The following ZNF70 variants were observed in gnomAD, a reference collection of about 807,000 sequenced individuals.
ZNF70 encodes the protein zinc finger protein 70, also known as zinc finger protein N27C7-1.
Under a neutral mutation model 37.7 loss-of-function variants are expected in ZNF70, and 18 were observed. The ratio of observed to expected loss-of-function variants is 0.48; its 90% CI spans 0.33 to 0.71. The LOEUF (loss-of-function observed/expected upper bound fraction) is 0.71, where lower values mean the gene tolerates loss of function less well. ZNF70 is among the 30% of genes least tolerant of loss of function. The pLI, the probability that ZNF70 is intolerant of heterozygous loss-of-function variation, is 0.02. For synonymous variants in ZNF70, 219 were observed against 220.1 expected (o/e 0.99, Z 0.05); for missense variants, 506 against 568.6 (o/e 0.89, Z 1.12).
In ZNF70 at chr22:23,743,325, C is replaced by T. The variant is rs1282491362; in HGVS notation, c.*475G>A. 6.3e-6 allele frequency: 1 copy of T among 158,026 alleles called. No homozygotes were observed. The highest frequency in any genetic ancestry group is 1.4e-5 in the Non-Finnish European group (1 of 71,666). 9.8% of individuals were successfully genotyped at this position (158,026 alleles called of 1,614,324 possible). A position where few individuals can be genotyped will look rare whatever the true frequency, so the allele number is the denominator to read the frequency against. ...TTCTACTTTGCTGCTGACACATCTA[C>T]TTTTGAATTCATTTTTCTTCTACTG... On this transcript the variant is annotated 3_prime_UTR_variant, in exon 2 of 2. Coordinates refer to ENST00000341976, the MANE Select transcript of ZNF70 (RefSeq NM_021916.4).
rs1925066470 is a variant in ZNF70 at position 23,744,995 on chromosome 22, T to C, written c.146A>G (p.Lys49Arg). 6 of 1,614,072 alleles carry C rather than the reference T, an allele frequency of 3.7e-6. No individual in the cohort carries two copies. Among genetic ancestry groups the C allele is most frequent in the East Asian group, 4.5e-5 (2 of 44,882 alleles). ...RGLEQMAVIY[K>R]EIPLGEQDEE... ...GTCCTGCTCACCAAGAGGGATCTCCTTGTAGATCACAGCCATTTGCTCCAA... is the reference window on the plus strand; with the variant it reads ...GTCCTGCTCACCAAGAGGGATCTCCCTGTAGATCACAGCCATTTGCTCCAA... Residue 49 changes from lysine to arginine, a missense_variant, in exon 2 of 2, where the codon AAG becomes AGG. Physicochemically the swap from Lys to Arg is conservative, Grantham distance 26. Coordinates refer to ENST00000341976, the MANE Select transcript of ZNF70 (RefSeq NM_021916.4).
Position 23,747,552 on chromosome 22 carries a change from C to T in ZNF70, c.-79-2333G>A, listed in dbSNP as rs1302121781. ...ACATAAATAAATAAAACAGACAAGT[C>T]CGGGCGCGGTGGCTCACACCTGTAA... On this transcript the variant is annotated intron_variant, in intron 1 of 1. Coordinates refer to ENST00000341976, the MANE Select transcript of ZNF70 (RefSeq NM_021916.4). 2.6e-5 allele frequency among the ~76,000 whole-genome samples: 4 copies of T among 152,138 alleles called. No homozygotes were observed. The East Asian group carries it at 7.7e-4, about 29-fold the overall frequency.
chr22:23,743,637 C>T lies in ZNF70; in HGVS notation c.*163G>A. The T allele has an allele frequency of 9.6e-7, 1 of 1,042,938 alleles. No homozygotes were observed. The highest frequency in any genetic ancestry group is 1.4e-6 in the Non-Finnish European group (1 of 722,120). The allele number at this position is 1,042,938 out of a possible 1,614,324, so 64.6% of individuals were successfully genotyped here. ...CTGCTGAGAGCTGGCGTGCTTGGCC[C>T]AGGGCCACACAGGGCCTTCCTGCTA... On this transcript the variant is annotated 3_prime_UTR_variant, in exon 2 of 2. Transcript: ENST00000341976.
intron 1 of ZNF70, among the ~76,000 whole-genome samples, chr22:23,749,970 C>T (rs895665110): frequency 5.9e-5 from 9 of 152,302 alleles, no homozygotes; most frequent in South Asian, 4.1e-4. Flanking sequence ...TAGCACCATG[C>T]TCCTCACCTC....
Position 23,745,771 on chromosome 22 carries a change from AAACAAC to A in ZNF70, c.-79-558_-79-553del, listed in dbSNP as rs200758485. Among the ~76,000 whole-genome samples, 163 of 152,094 alleles carry A rather than the reference AAACAAC, an allele frequency of 1.1e-3. 2 individuals carry two copies. The East Asian group carries it at 0.021, about 20-fold the overall frequency. ...GGGCAACAAAGCGAGACTCTATCTC[AAACAAC>A]AACAACAACAACAGCAACAACAACC... On this transcript the variant is annotated intron_variant, in intron 1 of 1. Transcript: ENST00000341976.
rs1265240410 is a variant in ZNF70, at chr22:23,745,160, C to T, written c.-20G>A. Reference sequence around the variant, plus strand: ...CTCCATTGTGAATCTGCTATCATCCCCAATGGTTGTATTTCTTTAAAAATG... The same window carrying T: ...CTCCATTGTGAATCTGCTATCATCCTCAATGGTTGTATTTCTTTAAAAATG... On this transcript the variant is annotated 5_prime_UTR_variant, in exon 2 of 2. An upstream open reading frame in the 5' UTR gains an earlier in-frame stop. Transcript: ENST00000341976. 1.9e-6 allele frequency: 3 copies of T among 1,599,086 alleles called. No individual in the cohort carries two copies. Among genetic ancestry groups the T allele is most frequent in the African/African-American group, 1.3e-5 (1 of 74,300 alleles).
rs771575611 is a variant in ZNF70 at position 23,744,896 on chromosome 22, C to A, written c.245G>T (p.Gly82Val). The A allele has an allele frequency of 6.2e-7, 1 of 1,614,178 alleles. No individual in the cohort carries two copies. The highest frequency in any genetic ancestry group is 8.5e-7 in the Non-Finnish European group (1 of 1,180,040). Residue 82 changes from glycine (G) to valine (V), a missense_variant, in exon 2 of 2, where the codon GGA (glycine) becomes GTA (valine). Transcript: ENST00000341976. Reference protein sequence around the residue: ...SPVQHQSIPPGTRPQDDELFG... With the variant: ...SPVQHQSIPPVTRPQDDELFG... ...GAGCTCATCATCCTGGGGTCTGGTTCCTGGGGGGATACTTTGATGCTGAAC... is the reference window on the plus strand; with the variant it reads ...GAGCTCATCATCCTGGGGTCTGGTTACTGGGGGGATACTTTGATGCTGAAC...
chr22:23,750,008 TC>T (rs999735117), intron 1 of ZNF70, among the ~76,000 whole-genome samples: 3 of 152,148 alleles, frequency 2.0e-5, no homozygotes, highest in African/African-American at 7.2e-5. Flanking sequence ...AGCCGCTAAG[TC>T]CCAGTCTTCT....
rs1161856576 is a variant in ZNF70, at chr22:23,743,124, C to A, written c.*676G>T. ...CTGGCCAACAGGATCAAATCTCTATCCTCCTGTAACAGAGCTGTCTGAGGG... is the reference window on the plus strand; with the variant it reads ...CTGGCCAACAGGATCAAATCTCTATACTCCTGTAACAGAGCTGTCTGAGGG... On this transcript the variant is annotated 3_prime_UTR_variant, in exon 2 of 2. Coordinates refer to ENST00000341976, the MANE Select transcript of ZNF70 (RefSeq NM_021916.4). 1 of 152,412 alleles carries A rather than the reference C, an allele frequency of 6.6e-6. No individual in the cohort carries two copies. The highest frequency in any genetic ancestry group is 2.4e-5 in the African/African-American group (1 of 41,450). The allele number at this position is 152,412 out of a possible 1,614,324, so 9.4% of individuals were successfully genotyped here.
Position 23,742,906 on chromosome 22 carries a change from C to G in ZNF70, c.*894G>C, listed in dbSNP as rs1354386331. 8 of 152,556 alleles carry G rather than the reference C, an allele frequency of 5.2e-5. No homozygotes were observed. Among genetic ancestry groups the G allele is most frequent in the African/African-American group, 1.7e-4 (7 of 41,458 alleles). The allele number at this position is 152,556 out of a possible 1,614,324, so 9.5% of individuals were successfully genotyped here. A position where few individuals can be genotyped will look rare whatever the true frequency, so the allele number is the denominator to read the frequency against. On this transcript the variant is annotated 3_prime_UTR_variant, in exon 2 of 2. Transcript: ENST00000341976. Reference sequence around the variant, plus strand: ...TAGAACACAGCCTCCTCCAACAAGCCACCCAGCTTCCCAGGTCCCCTGACA... The same window carrying G: ...TAGAACACAGCCTCCTCCAACAAGCGACCCAGCTTCCCAGGTCCCCTGACA...
Position 23,744,193 on chromosome 22 carries a change from G to A in ZNF70, c.948C>T (p.Ala316=). The A allele has an allele frequency of 1.2e-6, 2 of 1,614,140 alleles. No homozygotes were observed. The highest frequency in any genetic ancestry group is 1.7e-6 in the Non-Finnish European group (2 of 1,180,020). ...KPYKCDECGK[A]FSQSSNLIEH... ...CAATGAGGTTGGAGCTCTGGCTGAA[G>A]GCCTTCCCGCACTCATCGCATTTGT... Residue 316 remains alanine, a synonymous_variant, in exon 2 of 2, where the codon GCC becomes GCT. Coordinates refer to ENST00000341976, the MANE Select transcript of ZNF70 (RefSeq NM_021916.4).
chr22:23,743,889 G>C lies in ZNF70; in HGVS notation c.1252C>G (p.Pro418Ala). 6.2e-7 allele frequency: 1 copy of C among 1,613,048 alleles called. No homozygotes were observed. Among genetic ancestry groups the C allele is most frequent in the Non-Finnish European group, 8.5e-7 (1 of 1,179,016 alleles). ...EHYKTHTREKPYVCNLCGKSF... is the reference protein window; with the variant it reads ...EHYKTHTREKAYVCNLCGKSF... ...TTGCCGCACAGATTGCACACGTAGG[G>C]CTTCTCTCTGGTGTGGGTTTTATAG... is the stretch of plus-strand genomic sequence containing the variant. The change falls in exon 2 of 2, where the codon CCC (proline) becomes GCC (alanine). Residue 418 changes from proline to alanine, a missense_variant. Pro to Ala is a conservative substitution (Grantham distance 27). Coordinates refer to ENST00000341976, the MANE Select transcript of ZNF70 (RefSeq NM_021916.4).
intron 1 of ZNF70, among the ~76,000 whole-genome samples, chr22:23,749,824 T>C (rs1307154711): frequency 6.6e-6 from 1 of 151,946 alleles, no homozygotes; most frequent in Non-Finnish European, 1.5e-5. Context: ...CTCTTCCAGC[T>C]CTCTCACTCA....
chr22:23,748,950 A>G (rs8141886), intron 1 of ZNF70, among the ~76,000 whole-genome samples: 13,021 of 151,964 alleles, frequency 0.086, 1,634 homozygotes, highest in African/African-American at 0.28. Flanking sequence ...GGAGTGCAGT[A>G]GTGTGATTAC....
At chr22:23,749,306 GC>G (rs1436346099) in intron 1 of ZNF70, among the ~76,000 whole-genome samples, 2 of 129,766 alleles carry the variant, frequency 1.5e-5, no homozygotes, top group African/African-American at 5.9e-5. Flanking sequence ...CCGAGATCGC[GC>G]CACTGCACTC....
rs1221201537 is a variant in ZNF70, at chr22:23,742,293, G to C, written c.*1507C>G. The C allele has an allele frequency of 6.6e-6, 1 of 152,224 alleles. No individual in the cohort carries two copies. The highest frequency in any genetic ancestry group is 1.9e-4 in the East Asian group (1 of 5,186). 9.4% of individuals were successfully genotyped at this position (152,224 alleles called of 1,614,324 possible). Reference sequence around the variant, plus strand: ...GGCCCACAGCCTGGCTGCACACTAGGAAGTTATAATCACCTGGGGAGCTTT... The same window carrying C: ...GGCCCACAGCCTGGCTGCACACTAGCAAGTTATAATCACCTGGGGAGCTTT... On this transcript the variant is annotated 3_prime_UTR_variant, in exon 2 of 2. Coordinates refer to ENST00000341976, the MANE Select transcript of ZNF70 (RefSeq NM_021916.4).
At chr22:23,746,128 C>T (rs1013258886) in intron 1 of ZNF70, among the ~76,000 whole-genome samples, 2 of 152,028 alleles carry the variant, frequency 1.3e-5, no homozygotes, top group Non-Finnish European at 2.9e-5. Flanking sequence ...GCTTCCTCCT[C>T]TCCCTCTGGT....
rs1157811248 is a variant in ZNF70 at position 23,744,048 on chromosome 22, C to T, written c.1093G>A (p.Glu365Lys). The change falls in exon 2 of 2, where the codon GAG (glutamate) becomes AAG (lysine). Residue 365 changes from glutamate to lysine, a missense_variant. Coordinates refer to ENST00000341976, the MANE Select transcript of ZNF70 (RefSeq NM_021916.4). ...AAGGCCTTGCCACACTGACAGCACTCGTAGGGCTTCTCACCGGTGTGGATG... is the reference window on the plus strand; with the variant it reads ...AAGGCCTTGCCACACTGACAGCACTTGTAGGGCTTCTCACCGGTGTGGATG... ...QRIHTGEKPY[E>K]CCQCGKAFCH... 4 of 1,614,160 alleles carry T rather than the reference C, an allele frequency of 2.5e-6. No homozygotes were observed. Among genetic ancestry groups the T allele is most frequent in the East Asian group, 2.2e-5 (1 of 44,890 alleles).
In ZNF70 at chr22:23,744,876, C is replaced by T; in HGVS notation, c.265G>A (p.Glu89Lys). ...TGGAGGAAGGTTTGTCCGAAGAGCT[C>T]ATCATCCTGGGGTCTGGTTCCTGGG... ...IPPGTRPQDDELFGQTFLQKS... is the reference protein window; with the variant it reads ...IPPGTRPQDDKLFGQTFLQKS... Residue 89 changes from glutamate to lysine, a missense_variant, in exon 2 of 2, where the codon GAG becomes AAG. Transcript: ENST00000341976. The T allele has an allele frequency of 6.2e-7, 1 of 1,614,200 alleles. No individual in the cohort carries two copies. Among genetic ancestry groups the T allele is most frequent in the South Asian group, 1.1e-5 (1 of 91,086 alleles).
Sources: allele counts gnomAD v4.1 joint callset (sites outside exome capture counted in the v4.1 genomes callset), GRCh38; gene constraint gnomAD v4.1.1; transcripts MANE v1.5; gene names NCBI Gene and HGNC (gene_info 2026-07-23, HGNC 2026-07-21).